Variants in ASIC2 observed in about 807,000 individuals in gnomAD.
ASIC2 encodes acid sensing ion channel subunit 2, also known as acid-sensing ion channel 2.
A neutral mutation model predicts 57.3 loss-of-function variants in ASIC2; 25 were observed. The observed-to-expected ratio is 0.44, with a 90% CI of 0.32 to 0.61. The LOEUF is 0.61. Among genes scored for constraint, ASIC2 ranks in the 20% least tolerant of loss-of-function variants. The pLI, the probability that ASIC2 is intolerant of heterozygous loss-of-function variation, is 0.06. For synonymous variants in ASIC2, 319 were observed against 307.5 expected, an observed-to-expected ratio of 1.04 and a Z score of -0.39; for missense variants, 641 against 738.1, an observed-to-expected ratio of 0.87 and a Z score of 1.52.
At chr17:33,091,737 C>T (rs2092158350) in intron 2 of ASIC2, among the ~76,000 whole-genome samples, 2 of 152,058 alleles carry the variant, frequency 1.3e-5, no homozygotes. Context: ...TTAAAAACAT[C>T]CAGTGGCTGG....
intron 1 of ASIC2, among the ~76,000 whole-genome samples, chr17:33,330,904 A>T (rs2142225633): frequency 6.6e-6 from 1 of 152,238 alleles, no homozygotes; most frequent in South Asian, 2.1e-4. Flanking sequence ...AGAAACAAAC[A>T]TTAAGATCCA....
chr17:33,627,034 A>T (rs1432931682), intron 1 of ASIC2: 4 of 152,370 alleles, frequency 2.6e-5, no homozygotes, highest in African/African-American at 4.8e-5. Context: ...CAACACATGC[A>T]CAGGCACACT....
intron 1 of ASIC2, among the ~76,000 whole-genome samples, chr17:34,147,855 C>T (rs529477949): frequency 4.6e-5 from 7 of 152,286 alleles, no homozygotes; most frequent in East Asian, 1.9e-4. Context: ...GAATGGGGTG[C>T]GTGGCACTTT....
chr17:33,381,044 C>T (rs1476950623), intron 1 of ASIC2, among the ~76,000 whole-genome samples: 1 of 152,148 alleles, frequency 6.6e-6, no homozygotes, highest in Non-Finnish European at 1.5e-5. Context: ...TTCGAGATGG[C>T]AGGGTTTGGG....
At chr17:33,545,815 C>T (rs1158032703) in intron 1 of ASIC2, among the ~76,000 whole-genome samples, 1 of 152,156 alleles carries the variant, frequency 6.6e-6, no homozygotes, top group South Asian at 2.1e-4. Context: ...GAATAAAGTA[C>T]AACCTCCTTA....
At chr17:33,082,701 A>AACAT (rs2092117826) in intron 3 of ASIC2, among the ~76,000 whole-genome samples, 1 of 139,526 alleles carries the variant, frequency 7.2e-6, no homozygotes, top group East Asian at 2.1e-4. Context: ...TCTGTCTCCA[A>AACAT]AAATAAATAA....
At chr17:33,529,196 T>C (rs1371994234) in intron 1 of ASIC2, among the ~76,000 whole-genome samples, 1 of 152,134 alleles carries the variant, frequency 6.6e-6, no homozygotes, top group Non-Finnish European at 1.5e-5. Context: ...GTTAAAAGTA[T>C]AGCAATTATT....
chr17:34,056,914 A>G (rs1280359584), intron 1 of ASIC2, among the ~76,000 whole-genome samples: 1 of 152,236 alleles, frequency 6.6e-6, no homozygotes, highest in Non-Finnish European at 1.5e-5. Context: ...AAGGATTTCA[A>G]ACTTTTAAAT....
chr17:33,184,319 A>G (rs1906102357), intron 1 of ASIC2, among the ~76,000 whole-genome samples: 1 of 152,208 alleles, frequency 6.6e-6, no homozygotes, highest in Admixed American at 6.5e-5. Context: ...CATCTGGAAC[A>G]TATCAGTCAA....
At chr17:34,063,375 A>T (rs1248885366) in intron 1 of ASIC2, among the ~76,000 whole-genome samples, 1 of 152,194 alleles carries the variant, frequency 6.6e-6, no homozygotes, top group Non-Finnish European at 1.5e-5. Context: ...ACCTTAATAT[A>T]ATAAAAGCCA....
intron 1 of ASIC2, among the ~76,000 whole-genome samples, chr17:33,485,610 G>A (rs895386645): frequency 2.6e-5 from 4 of 152,060 alleles, no homozygotes; most frequent in South Asian, 2.1e-4. Flanking sequence ...GTGAGACTCC[G>A]GGACCCCTAT....
chr17:33,470,041 C>A (rs9915618), intron 1 of ASIC2, among the ~76,000 whole-genome samples: 36,318 of 151,944 alleles, frequency 0.24, 4,432 homozygotes, highest in Non-Finnish European at 0.25. Context: ...ATGGAATGTG[C>A]ACTGAAATGG....
chr17:34,018,368 G>C (rs1363352144), intron 1 of ASIC2, among the ~76,000 whole-genome samples: 4 of 152,152 alleles, frequency 2.6e-5, no homozygotes, highest in Non-Finnish European at 4.4e-5. Flanking sequence ...TGCATCTGGT[G>C]ACCCAAGAGT....
At chr17:33,918,409 T>C (rs2141963440) in intron 1 of ASIC2, among the ~76,000 whole-genome samples, 1 of 152,352 alleles carries the variant, frequency 6.6e-6, no homozygotes, top group Admixed American at 6.5e-5. Context: ...AGACAGTGAT[T>C]ATTGATTACA....
rs1907107596 is a variant in ASIC2, at chr17:33,327,046, C to T, written c.556-214979G>A. The stretch of plus-strand genomic sequence containing the variant: ...ATGAGTCAGGTATCATTACAGTTAC[C>T]TATCAGTTTCTCTCAAACTCACCTC... On this transcript the variant is annotated intron_variant, in intron 1 of 9. Coordinates refer to the ASIC2 transcript ENST00000359872. Among the ~76,000 whole-genome samples the T allele has an allele frequency of 2.6e-5, 4 of 152,180 alleles. No homozygotes were observed. The South Asian group carries it at 6.2e-4, about 24-fold the overall frequency.
At chr17:33,396,312 C>T (rs535821371) in intron 1 of ASIC2, among the ~76,000 whole-genome samples, 16 of 152,094 alleles carry the variant, frequency 1.1e-4, no homozygotes, top group African/African-American at 2.4e-4. Flanking sequence ...GTAACAATTA[C>T]GGTTCTGAAA....
intron 1 of ASIC2, among the ~76,000 whole-genome samples, chr17:33,578,448 A>T (rs1916714140): frequency 6.6e-6 from 1 of 152,186 alleles, no homozygotes; most frequent in South Asian, 2.1e-4. Context: ...AGTCATTTAC[A>T]CCTTAGTATG....
At chr17:33,648,051 C>T (rs886560113) in intron 1 of ASIC2, among the ~76,000 whole-genome samples, 1 of 152,206 alleles carries the variant, frequency 6.6e-6, no homozygotes, top group Non-Finnish European at 1.5e-5. Flanking sequence ...TCATGAATCA[C>T]AAGATGTATT....
At chr17:33,727,352 C>T (rs752876143) in intron 1 of ASIC2, among the ~76,000 whole-genome samples, 12 of 152,162 alleles carry the variant, frequency 7.9e-5, no homozygotes, top group Non-Finnish European at 1.6e-4. Flanking sequence ...CTCAGTTTTA[C>T]AACAACAGCT....
Sources: allele counts gnomAD v4.1 joint callset (sites outside exome capture counted in the v4.1 genomes callset), GRCh38; gene constraint gnomAD v4.1.1; transcripts MANE v1.5; gene names NCBI Gene and HGNC (gene_info 2026-07-23, HGNC 2026-07-21).